The following CIMIP1 variants were observed in gnomAD, a reference collection of about 807,000 sequenced individuals.
CIMIP1 encodes the protein ciliary microtubule inner protein 1.
the CIMIP1 span, among the ~76,000 whole-genome samples, chr20:58,153,028 G>A: frequency 6.6e-5 from 10 of 152,142 alleles, no homozygotes; most frequent in Non-Finnish European, 1.0e-4. Flanking sequence ...CTACTGCAAT[G>A]CCACTCAGCT....
the CIMIP1 span, chr20:58,150,942 G>T: frequency 6.3e-7 from 1 of 1,592,024 alleles, no homozygotes; most frequent in Non-Finnish European, 8.6e-7. Flanking sequence ...GAGCTTGCGG[G>T]GCGCACAGAG....
At chr20:58,153,724 C>A in the CIMIP1 span, 1 of 919,368 alleles carries the variant, frequency 1.1e-6, no homozygotes, top group Non-Finnish European at 1.7e-6. Context: ...AACTAAAGAG[C>A]ATGTTGTAGG....
chr20:58,151,995 T>C, the CIMIP1 span, among the ~76,000 whole-genome samples: 2 of 152,238 alleles, frequency 1.3e-5, no homozygotes, highest in East Asian at 3.8e-4. Context: ...CATACTTGTT[T>C]ACCTTCTAAA....
At chr20:58,154,801 T>C in the CIMIP1 span, among the ~76,000 whole-genome samples, 6 of 152,326 alleles carry the variant, frequency 3.9e-5, 1 homozygote, top group Middle Eastern at 6.8e-3. Flanking sequence ...TTTGGCATTT[T>C]TTGTTAGTTT....
chr20:58,151,452 C>G, the CIMIP1 span, among the ~76,000 whole-genome samples: 1 of 151,918 alleles, frequency 6.6e-6, no homozygotes, highest in Admixed American at 6.6e-5. Flanking sequence ...CCTGCTCTAT[C>G]CTCCAGGCTG....
chr20:58,161,100 T>A, the CIMIP1 span: 92 of 253,480 alleles, frequency 3.6e-4, no homozygotes, highest in Middle Eastern at 1.2e-3. Context: ...TGCAGGGCTT[T>A]AAAAAAAAAT....
the CIMIP1 span, among the ~76,000 whole-genome samples, chr20:58,158,909 T>G: frequency 6.6e-6 from 1 of 152,158 alleles, no homozygotes; most frequent in Non-Finnish European, 1.5e-5. Context: ...TACCATACTT[T>G]GAATAGTTTT....
the CIMIP1 span, among the ~76,000 whole-genome samples, chr20:58,151,309 G>C: frequency 6.6e-6 from 1 of 151,978 alleles, no homozygotes; most frequent in Admixed American, 6.5e-5. Context: ...AGCAGAGATT[G>C]GCTTGTTGAA....
chr20:58,158,317 C>T, the CIMIP1 span, among the ~76,000 whole-genome samples: 1 of 152,182 alleles, frequency 6.6e-6, no homozygotes, highest in African/African-American at 2.4e-5. Context: ...AGAAAGGTCC[C>T]CAGCCTCTGC....
chr20:58,151,107 CCCA>C, the CIMIP1 span: 22 of 1,384,228 alleles, frequency 1.6e-5, no homozygotes, highest in East Asian at 2.5e-5. Flanking sequence ...TCTCAGTTTC[CCCA>C]CCAAGTCCGG....
the CIMIP1 span, chr20:58,160,552 G>A: frequency 8.3e-7 from 1 of 1,210,262 alleles, no homozygotes; most frequent in Non-Finnish European, 1.1e-6. Context: ...ACACATCAGG[G>A]AGGCTGGCTT....
At chr20:58,150,939 C>A in the CIMIP1 span, 1 of 1,588,280 alleles carries the variant, frequency 6.3e-7, no homozygotes, top group Non-Finnish European at 8.6e-7. Context: ...CCAGAGCTTG[C>A]GGGGCGCACA....
At chr20:58,151,564 C>G in the CIMIP1 span, among the ~76,000 whole-genome samples, 4 of 152,046 alleles carry the variant, frequency 2.6e-5, no homozygotes, top group Non-Finnish European at 5.9e-5. Flanking sequence ...AGGCGCCCAC[C>G]ACCACACCCG....
the CIMIP1 span, among the ~76,000 whole-genome samples, chr20:58,152,105 G>A: frequency 1.6e-3 from 251 of 152,254 alleles, 1 homozygote; most frequent in Middle Eastern, 0.014. Flanking sequence ...TTCACTTGAT[G>A]ATTTTATGGA....
chr20:58,161,033 G>T, the CIMIP1 span: 1 of 432,220 alleles, frequency 2.3e-6, no homozygotes, highest in Non-Finnish European at 4.0e-6. Flanking sequence ...ACCCATTCTT[G>T]GCTAATGTAA....
the CIMIP1 span, among the ~76,000 whole-genome samples, chr20:58,155,832 G>C: frequency 1.3e-5 from 2 of 152,212 alleles, no homozygotes; most frequent in Non-Finnish European, 2.9e-5. Flanking sequence ...GGGTCTTCAT[G>C]CGTTCTTTCA....
the CIMIP1 span, chr20:58,151,130 G>A: frequency 3.3e-6 from 4 of 1,209,270 alleles, no homozygotes; most frequent in Non-Finnish European, 4.8e-6. Flanking sequence ...GGAAGTGATC[G>A]ACCACTAAAC....
chr20:58,155,106 C>T, the CIMIP1 span, among the ~76,000 whole-genome samples: 4 of 152,204 alleles, frequency 2.6e-5, no homozygotes, highest in Non-Finnish European at 5.9e-5. Flanking sequence ...ACACTCAACC[C>T]TTTTTGGCAT....
the CIMIP1 span, chr20:58,160,929 G>A: frequency 8.0e-7 from 1 of 1,254,714 alleles, no homozygotes; most frequent in African/African-American, 1.5e-5. Flanking sequence ...ACAGTCCCCT[G>A]CGTACTTGCT....
Sources: gnomAD v4.1 joint callset for allele counts (sites outside exome capture counted in the v4.1 genomes callset) on GRCh38, gnomAD v4.1.1 for gene constraint, MANE v1.5 for transcripts, NCBI Gene and HGNC (gene_info 2026-07-23, HGNC 2026-07-21) for gene names.